Variants in PAQR3 observed in about 807,000 individuals in gnomAD.
The protein encoded by PAQR3 is progestin and adipoQ receptor family member 3.
A neutral mutation model predicts 41.7 loss-of-function variants in PAQR3; 39 were observed. That is an observed-to-expected ratio of 0.93 (90% confidence interval 0.72 to 1.22). The LOEUF is 1.22. Ranked by LOEUF, PAQR3 falls within the 50% of genes most tolerant of loss-of-function variation. The pLI, the probability that PAQR3 is intolerant of heterozygous loss-of-function variation, is 0.00. For synonymous variants in PAQR3, 140 were observed against 140.6 expected, an observed-to-expected ratio of 1.00 and a Z score of 0.03; for missense variants, 366 against 385.6, an observed-to-expected ratio of 0.95 and a Z score of 0.42.
At position 78,902,435 on chromosome 4, in the gene PAQR3, A is replaced by G. The variant is rs147310250; in HGVS notation, c.*836+3673T>C. On this transcript the variant is annotated intron_variant and NMD_transcript_variant, in intron 11 of 12. Coordinates refer to the PAQR3 transcript ENST00000342820. ...TCACTTGGCCTGCCTTCTGAGAAGC[A>G]GTACAGATTTGATAAAACCTTCTCC... 1.5e-3 allele frequency among the ~76,000 whole-genome samples: 228 copies of G among 151,532 alleles called. 9 individuals are homozygous for G. The highest frequency in any genetic ancestry group is 0.01 in the Admixed American group (154 of 15,272).
At chr4:78,910,378 AG>A (rs2110109051), downstream of PAQR3, among the ~76,000 whole-genome samples, 1 of 152,336 alleles carries the variant, frequency 6.6e-6, no homozygotes, top group Admixed American at 6.5e-5. Flanking sequence ...ACGATGAGGC[AG>A]GGTGTAGGGT....
intron 4 of PAQR3, 80 bp downstream of exon 4, chr4:78,926,441 T>G: frequency 7.9e-7 from 1 of 1,261,724 alleles, no homozygotes; most frequent in Admixed American, 2.1e-5. Flanking sequence ...CCACTTGGCC[T>G]GATTATACTA....
intron 1 of PAQR3, 67 bp from the exon 2 acceptor site, chr4:78,935,350 G>A: frequency 6.8e-7 from 1 of 1,460,190 alleles, no homozygotes; most frequent in Non-Finnish European, 9.3e-7. Flanking sequence ...TCAAAGGTTA[G>A]GGACAATTTT....
At chr4:78,921,542 A>ATT (rs34656291) in intron 5 of PAQR3, 9 of 588,402 alleles carry the variant, frequency 1.5e-5, no homozygotes, top group South Asian at 7.6e-5. Context: ...CTACAGACCC[A>ATT]TTTTTTTAAA....
downstream of PAQR3, among the ~76,000 whole-genome samples, chr4:78,909,835 A>G (rs1405194782): frequency 6.6e-6 from 1 of 152,168 alleles, no homozygotes. Context: ...TTTACTCACC[A>G]ATGTATAATC....
rs192588016 is a variant in PAQR3, at chr4:78,936,175, C to G, written c.186-892G>C. ...CAACTTTCTTCTAGCTCCTTTCTTACTTTTGTGAAATGGTTCTCCAGATGT... is the reference window on the plus strand; with the variant it reads ...CAACTTTCTTCTAGCTCCTTTCTTAGTTTTGTGAAATGGTTCTCCAGATGT... On this transcript the variant is annotated intron_variant, in intron 1 of 5. Transcript: ENST00000512733. 2.0e-5 allele frequency among the ~76,000 whole-genome samples: 3 copies of G among 152,310 alleles called. No individual in the cohort carries two copies. In the East Asian group the frequency reaches 5.8e-4, roughly 29 times the overall value.
intron 11 of PAQR3, among the ~76,000 whole-genome samples, chr4:78,891,299 T>A (rs1733422878): frequency 1.3e-5 from 2 of 152,164 alleles, no homozygotes; most frequent in African/African-American, 2.4e-5. Context: ...CCTCTTTCTC[T>A]TCCTCCTTAC....
chr4:78,907,893 G>A (rs946511005), downstream of PAQR3, among the ~76,000 whole-genome samples: 2 of 152,216 alleles, frequency 1.3e-5, no homozygotes, highest in African/African-American at 4.8e-5. Flanking sequence ...TATGCAGCTC[G>A]AGGAGTAATA....
chr4:78,935,354 C>A, intron 1 of PAQR3, 71 bp from the exon 2 acceptor site: 1 of 1,406,548 alleles, frequency 7.1e-7, no homozygotes, highest in Non-Finnish European at 9.7e-7. Flanking sequence ...AGGTTAGGGA[C>A]AATTTTGAGG....
intron 5 of PAQR3, chr4:78,921,870 TACCCAAACTCA>T: frequency 6.1e-6 from 6 of 985,094 alleles, no homozygotes; most frequent in Non-Finnish European, 7.2e-6. Flanking sequence ...TGCTCTCATG[TACCCAAACTCA>T]ATATGCTCTG....
At position 78,939,097 on chromosome 4, in the gene PAQR3, T is replaced by C; in HGVS notation, c.128A>G (p.Asn43Ser). 6.2e-7 allele frequency: 1 copy of C among 1,613,432 alleles called. No homozygotes were observed. Among genetic ancestry groups the C allele is most frequent in the Non-Finnish European group, 8.5e-7 (1 of 1,179,626 alleles). Residue 43 changes from asparagine to serine, a missense_variant, in exon 1 of 6, where the codon AAC becomes AGC. Coordinates refer to ENST00000512733, the MANE Select transcript of PAQR3 (RefSeq NM_001040202.2). ...YEQIPGSLKD[N>S]PYITDGYRAY... ...CCGGTAGCCGTCGGTGATGTACGGG[T>C]TGTCCTTGAGGGACCCGGGGATCTG... is the stretch of plus-strand genomic sequence containing the variant.
chr4:78,911,647 G>C (rs2110111243), downstream of PAQR3: 14 of 1,613,976 alleles, frequency 8.7e-6, no homozygotes, highest in Non-Finnish European at 1.2e-5. Context: ...AAGTAGCAAT[G>C]AATTTTTAAC....
intron 5 of PAQR3, among the ~76,000 whole-genome samples, chr4:78,923,347 T>C (rs1170851567): frequency 6.6e-6 from 1 of 152,016 alleles, no homozygotes; most frequent in East Asian, 1.9e-4. Flanking sequence ...TTTTTATTAT[T>C]ATACTTTAAG....
chr4:78,902,186 G>C (rs1319811740), intron 11 of PAQR3, among the ~76,000 whole-genome samples: 1 of 152,118 alleles, frequency 6.6e-6, no homozygotes, highest in Non-Finnish European at 1.5e-5. Flanking sequence ...GCTCAGAAAG[G>C]TTCACTGACT....
At chr4:78,921,499 G>A (rs1241213413) in intron 5 of PAQR3, 1 of 184,314 alleles carries the variant, frequency 5.4e-6, no homozygotes, top group Non-Finnish European at 1.0e-5. Flanking sequence ...AGCCTTTTTT[G>A]TACCATGGAC....
rs573730119 is a variant in PAQR3 at position 78,939,380 on chromosome 4, C to G, written c.-156G>C. 1 of 499,854 alleles carries G rather than the reference C, an allele frequency of 2.0e-6. No homozygotes were observed. The highest frequency in any genetic ancestry group is 2.1e-5 in the African/African-American group (1 of 48,664). The allele number at this position is 499,854 out of a possible 1,614,324, so 31.0% of individuals were successfully genotyped here. A position where few individuals can be genotyped will look rare whatever the true frequency, so the allele number is the denominator to read the frequency against. On this transcript the variant is annotated 5_prime_UTR_variant, in exon 1 of 6. Coordinates refer to ENST00000512733, the MANE Select transcript of PAQR3 (RefSeq NM_001040202.2). ...CTGCTGCCCAGGGCCCGGCTCTGCG[C>G]TCACACCGGCCACTGCCGCCAGCGC...
chr4:78,914,293 T>C lies in PAQR3; in HGVS notation c.*6246A>G, dbSNP rs1045201332. ...ACACTGATGTAGACCCTTTGACTTA[T>C]AAATTCTGAGGAAACAACTGACAGC... On this transcript the variant is annotated 3_prime_UTR_variant, in exon 6 of 6. Transcript: ENST00000512733. The C allele has an allele frequency of 1.3e-5, 2 of 152,114 alleles. No homozygotes were observed. The highest frequency in any genetic ancestry group is 2.9e-5 in the Non-Finnish European group (2 of 67,976). 9.4% of individuals were successfully genotyped at this position (152,114 alleles called of 1,614,324 possible). A position where few individuals can be genotyped will look rare whatever the true frequency, so the allele number is the denominator to read the frequency against.
intron 11 of PAQR3, among the ~76,000 whole-genome samples, chr4:78,894,599 A>T (rs1328018705): frequency 6.6e-6 from 1 of 152,180 alleles, no homozygotes; most frequent in Non-Finnish European, 1.5e-5. Flanking sequence ...GGTTGGTTTG[A>T]TCTTCTGTCC....
chr4:78,926,659 C>A lies in PAQR3; in HGVS notation c.564G>T (p.Ala188=), dbSNP rs529751739. The A allele has an allele frequency of 4.8e-5, 77 of 1,613,896 alleles. 1 individual carries two copies. In the South Asian group the frequency reaches 8.0e-4, roughly 17 times the overall value. ...VLAMILAVFF[A]QIHPNYLTQQ... ...GCGTGAGGTAATTGGGATGAATCTG[C>A]GCAAAGAACACTGCCAGGATCATAG... Residue 188 remains alanine, a synonymous_variant, in exon 4 of 6, where the codon GCG becomes GCT. Transcript: ENST00000512733.
Sources: allele counts gnomAD v4.1 joint callset (sites outside exome capture counted in the v4.1 genomes callset), GRCh38; gene constraint gnomAD v4.1.1; transcripts MANE v1.5; gene names NCBI Gene and HGNC (gene_info 2026-07-23, HGNC 2026-07-21).